The following HPF1 variants were observed in gnomAD, a reference collection of about 807,000 sequenced individuals.
The protein encoded by HPF1 is histone PARylation factor 1.
Under a neutral mutation model 38.8 loss-of-function variants are expected in HPF1, and 35 were observed. That is an observed-to-expected ratio of 0.90 (90% CI 0.69 to 1.19). The LOEUF (loss-of-function observed/expected upper bound fraction) is 1.19. Ranked by LOEUF, HPF1 falls within the 50% of genes most tolerant of loss-of-function variation. The pLI, the probability that HPF1 is intolerant of heterozygous loss-of-function variation, is 0.00. For missense variants in HPF1, 367 were observed against 405.8 expected (o/e 0.90, Z 0.82); for synonymous variants, 115 against 139.2 (o/e 0.83, Z 1.22).
At chr4:169,736,180 A>G (rs1382651131) in intron 6 of HPF1, among the ~76,000 whole-genome samples, 2 of 151,660 alleles carry the variant, frequency 1.3e-5, no homozygotes, top group Non-Finnish European at 2.9e-5. Flanking sequence ...GGAGTTCGAG[A>G]CCAGCATCGG....
chr4:169,754,795 G>A (rs1416476048), intron 1 of HPF1, among the ~76,000 whole-genome samples: 2 of 152,134 alleles, frequency 1.3e-5, no homozygotes, highest in African/African-American at 2.4e-5. Context: ...GCAGAGGCCA[G>A]GTATGCTCAA....
intron 4 of HPF1, among the ~76,000 whole-genome samples, chr4:169,747,110 G>A (rs368924899): frequency 2.0e-5 from 3 of 149,692 alleles, no homozygotes; most frequent in Non-Finnish European, 4.4e-5. Context: ...TACATGCCAA[G>A]GTATTTATAG....
intron 4 of HPF1, among the ~76,000 whole-genome samples, chr4:169,746,891 T>C (rs1734054927): frequency 6.7e-6 from 1 of 150,220 alleles, no homozygotes; most frequent in Non-Finnish European, 1.5e-5. Context: ...ATTTTTTTTT[T>C]CTTTTTCATT....
At chr4:169,735,551 G>C (rs916552944) in intron 6 of HPF1, among the ~76,000 whole-genome samples, 1 of 152,088 alleles carries the variant, frequency 6.6e-6, no homozygotes, top group Non-Finnish European at 1.5e-5. Context: ...TAGTAGACTT[G>C]GATATAAAAC....
chr4:169,742,147 C>T (rs373222176), intron 4 of HPF1, 40 bp from the exon 5 acceptor site: 16 of 1,586,988 alleles, frequency 1.0e-5, no homozygotes, highest in African/African-American at 2.7e-5. Flanking sequence ...TGGCAGGCCA[C>T]TGTACTAAGT....
At chr4:169,747,341 A>C (rs1255059607) in intron 4 of HPF1, among the ~76,000 whole-genome samples, 1 of 152,160 alleles carries the variant, frequency 6.6e-6, no homozygotes, top group African/African-American at 2.4e-5. Context: ...ATTAGAAAAG[A>C]AAGAACATTT....
chr4:169,755,163 A>G lies in HPF1; in HGVS notation c.49-1328T>C, dbSNP rs10034194. Among the ~76,000 whole-genome samples the G allele has an allele frequency of 3.1e-3, 469 of 151,694 alleles. 5 individuals carry two copies. Among genetic ancestry groups the G allele is most frequent in the Middle Eastern group, 0.017 (5 of 294 alleles). ...CTACAAAATGTAATCAGATGATACA[A>G]GAATGGTCATGGTGGCATTAATTCC... On this transcript the variant is annotated intron_variant, in intron 1 of 7. Coordinates refer to ENST00000393381, the MANE Select transcript of HPF1 (RefSeq NM_017867.3).
rs147005968 is a variant in HPF1, at chr4:169,742,096, G to A, written c.509C>T (p.Thr170Met). Residue 170 changes from threonine (T) to methionine (M), a missense_variant, in exon 5 of 8, where the codon ACG becomes ATG. Transcript: ENST00000393381. ...ATCCGTTATTTCTCTAAGTTTTTTCGTCAAAAATAATCTGAAAAAGAAGTA... is the reference window on the plus strand; with the variant it reads ...ATCCGTTATTTCTCTAAGTTTTTTCATCAAAAATAATCTGAAAAAGAAGTA... ...NVFAAVKLFL[T>M]KKLREITDKK... The A allele has an allele frequency of 5.0e-4, 797 of 1,609,640 alleles. No homozygotes were observed. The highest frequency in any genetic ancestry group is 6.4e-4 in the Non-Finnish European group (754 of 1,177,974).
chr4:169,748,913 T>G, intron 3 of HPF1, 71 bp from the exon 4 acceptor site: 1 of 720,836 alleles, frequency 1.4e-6, no homozygotes, highest in Non-Finnish European at 2.4e-6. Context: ...GGATTTCAGG[T>G]CTACAGACAA....
At chr4:169,754,969 G>T (rs1462131996) in intron 1 of HPF1, among the ~76,000 whole-genome samples, 1 of 151,826 alleles carries the variant, frequency 6.6e-6, no homozygotes, top group Non-Finnish European at 1.5e-5. Context: ...TGCACAATGT[G>T]CAGGTTTGTT....
At chr4:169,737,326 A>T (rs1280907252) in intron 6 of HPF1, among the ~76,000 whole-genome samples, 1 of 151,490 alleles carries the variant, frequency 6.6e-6, no homozygotes, top group Non-Finnish European at 1.5e-5. Flanking sequence ...AAAAGAAACT[A>T]CTGAATTTTG....
intron 2 of HPF1, 43 bp downstream of exon 2, chr4:169,753,633 T>G (rs1281209277): frequency 8.4e-6 from 13 of 1,552,914 alleles, no homozygotes; most frequent in Non-Finnish European, 1.1e-5. Context: ...TCCTATTACA[T>G]TACTCTTTCC....
At chr4:169,732,004 T>C (rs1374603374) in intron 6 of HPF1, 128 bp from the exon 7 acceptor site, 3 of 679,230 alleles carry the variant, frequency 4.4e-6, no homozygotes, top group Non-Finnish European at 7.4e-6. Flanking sequence ...TGTGCCACCT[T>C]GGGTAGTAGT....
intron 5 of HPF1, among the ~76,000 whole-genome samples, chr4:169,738,908 A>C (rs913338728): frequency 2.0e-5 from 3 of 148,452 alleles, no homozygotes; most frequent in Non-Finnish European, 3.0e-5. Context: ...CAAACACTAC[A>C]TGTTCTCACT....
intron 4 of HPF1, among the ~76,000 whole-genome samples, chr4:169,743,234 C>T (rs557390961): frequency 3.1e-4 from 47 of 151,840 alleles, no homozygotes; most frequent in African/African-American, 1.1e-3. Context: ...CTCAGCCTCC[C>T]GAGTAGCTGG....
intron 5 of HPF1, among the ~76,000 whole-genome samples, chr4:169,739,708 TTG>T (rs986222025): frequency 3.9e-5 from 6 of 152,106 alleles, no homozygotes; most frequent in Admixed American, 3.3e-4. Context: ...TATGGCAGGA[TTG>T]TGTTTGTGAA....
chr4:169,729,772 A>T (rs1047148101), intron 7 of HPF1, 63 bp from the exon 8 acceptor site: 51 of 1,195,338 alleles, frequency 4.3e-5, no homozygotes, highest in Non-Finnish European at 6.6e-6. Context: ...AGTAGCAGAA[A>T]ATATATCAAC....
intron 4 of HPF1, among the ~76,000 whole-genome samples, chr4:169,746,469 A>C (rs1262407839): frequency 1.3e-5 from 2 of 152,242 alleles, no homozygotes; most frequent in African/African-American, 2.4e-5. Flanking sequence ...ACCAATTAAC[A>C]CATCAGTAAG....
Position 169,729,579 on chromosome 4 carries a change from C to A in HPF1, c.1040G>T (p.Ter347LeuextTer5). Residue 347 changes from the stop codon to leucine (L), a stop_lost, in exon 8 of 8, where the codon TGA becomes TTA. Coordinates refer to ENST00000393381, the MANE Select transcript of HPF1 (RefSeq NM_017867.3). ...SQENIDQLAA[*>L] ...GTACACCAATCAAAGCCACCTTACT[C>A]ATGCAGCAAGTTGGTCTATGTTCTC... 6.5e-7 allele frequency: 1 copy of A among 1,527,282 alleles called. No individual in the cohort carries two copies. The highest frequency in any genetic ancestry group is 1.3e-5 in the South Asian group (1 of 75,314). The allele number at this position is 1,527,282 out of a possible 1,614,324, so 94.6% of individuals were successfully genotyped here.
Sources: allele counts gnomAD v4.1 joint callset (sites outside exome capture counted in the v4.1 genomes callset), GRCh38; gene constraint gnomAD v4.1.1; transcripts MANE v1.5; gene names NCBI Gene and HGNC (gene_info 2026-07-23, HGNC 2026-07-21).